The following SBF2 variants were observed in gnomAD, a reference collection of about 807,000 sequenced individuals.
The protein encoded by SBF2 is SET binding factor 2.
A neutral mutation model predicts 225.2 loss-of-function variants in SBF2; 112 were observed. That is an observed-to-expected ratio of 0.50 (90% CI 0.43 to 0.58). The LOEUF (loss-of-function observed/expected upper bound fraction) is 0.58, where lower values mean the gene tolerates loss of function less well. SBF2 is among the 20% of genes least tolerant of loss of function. The pLI is 0.00. For synonymous variants in SBF2, 763 were observed against 773.3 expected, an observed-to-expected ratio of 0.99 and a Z score of 0.22; for missense variants, 1,996 against 2,206.2, an observed-to-expected ratio of 0.90 and a Z score of 1.91.
intron 1 of SBF2, among the ~76,000 whole-genome samples, chr11:10,248,617 T>C (rs1030639033): frequency 1.3e-5 from 2 of 152,210 alleles, no homozygotes; most frequent in Non-Finnish European, 1.5e-5. Context: ...TTGAAACTAC[T>C]GAAAAAACAG....
chr11:10,003,513 G>A (rs995411664), intron 6 of SBF2, among the ~76,000 whole-genome samples: 3 of 151,626 alleles, frequency 2.0e-5, no homozygotes, highest in African/African-American at 4.8e-5. Flanking sequence ...GATTACAGGC[G>A]CCCGCCACCA....
intron 16 of SBF2, chr11:9,959,830 T>G (rs1590611581): frequency 3.5e-6 from 2 of 566,876 alleles, no homozygotes; most frequent in Non-Finnish European, 3.5e-6. Flanking sequence ...TAGGTAAAGG[T>G]AGGCTGCGAG....
intron 2 of SBF2, among the ~76,000 whole-genome samples, chr11:10,122,364 G>T (rs927506403): frequency 5.9e-5 from 9 of 152,192 alleles, no homozygotes; most frequent in African/African-American, 2.2e-4. Flanking sequence ...CACAGTTTCA[G>T]GGTGGGAGTC....
chr11:9,875,181 C>A (rs1483529450), intron 17 of SBF2, among the ~76,000 whole-genome samples: 1 of 152,072 alleles, frequency 6.6e-6, no homozygotes, highest in Non-Finnish European at 1.5e-5. Flanking sequence ...CATGGTTAAG[C>A]CAATAATTAT....
At chr11:9,935,164 A>G (rs1467282319) in intron 16 of SBF2, among the ~76,000 whole-genome samples, 3 of 152,194 alleles carry the variant, frequency 2.0e-5, no homozygotes, top group Non-Finnish European at 4.4e-5. Context: ...CCAATAACAG[A>G]CAAACGGAGA....
chr11:10,233,975 A>G (rs192062276), intron 1 of SBF2, among the ~76,000 whole-genome samples: 147 of 152,208 alleles, frequency 9.7e-4, no homozygotes, highest in Admixed American at 2.8e-3. Context: ...TTGTTCCTCA[A>G]TCAACCTCTT....
At chr11:10,080,688 C>T (rs1011657346) in intron 2 of SBF2, among the ~76,000 whole-genome samples, 2 of 152,086 alleles carry the variant, frequency 1.3e-5, no homozygotes, top group South Asian at 4.1e-4. Context: ...AATTTAAAAA[C>T]AGATCCAACT....
At chr11:10,088,428 G>T (rs1037811891) in intron 2 of SBF2, among the ~76,000 whole-genome samples, 7 of 152,056 alleles carry the variant, frequency 4.6e-5, no homozygotes, top group African/African-American at 1.7e-4. Context: ...GTTTATTATT[G>T]CTATAAAGGA....
chr11:10,180,113 GTCTT>G (rs775717974), intron 2 of SBF2, among the ~76,000 whole-genome samples: 1 of 151,884 alleles, frequency 6.6e-6, no homozygotes, highest in Non-Finnish European at 1.5e-5. Flanking sequence ...TCATCTTTTA[GTCTT>G]TCTATTTAAG....
In SBF2 at chr11:9,866,197, T is replaced by C. The variant is rs4910510; in HGVS notation, c.1930-7801A>G. Among the ~76,000 whole-genome samples the C allele has an allele frequency of 5.1e-3, 778 of 152,246 alleles. 2 individuals carry two copies. Among genetic ancestry groups the C allele is most frequent in the Admixed American group, 9.7e-3 (148 of 15,294 alleles). On this transcript the variant is annotated intron_variant, in intron 17 of 39. Coordinates refer to ENST00000256190, the MANE Select transcript of SBF2 (RefSeq NM_030962.4). ...TTTCAAAAAATTAACAATAATTCTT[T>C]AATATCAGGAAGTCCTAGCCTTAAA...
intron 13 of SBF2, among the ~76,000 whole-genome samples, chr11:9,981,803 C>G (rs1459989700): frequency 6.6e-6 from 1 of 152,138 alleles, no homozygotes; most frequent in Non-Finnish European, 1.5e-5. Flanking sequence ...AGATTAGAAA[C>G]AGTATCGAAT....
chr11:10,117,721 T>C (rs1199631608), intron 2 of SBF2, among the ~76,000 whole-genome samples: 1 of 151,550 alleles, frequency 6.6e-6, no homozygotes, highest in Non-Finnish European at 1.5e-5. Context: ...ATATTTGAAC[T>C]TGGGAAAGCA....
rs1180564715 is a variant in SBF2 at position 9,858,306 on chromosome 11, A to G, written c.2020T>C (p.Tyr674His). The change falls in exon 18 of 40, where the codon TAC (tyrosine) becomes CAC (histidine). Residue 674 changes from tyrosine (Y) to histidine (H), a missense_variant. Physicochemically the swap from Tyr to His is moderately conservative, Grantham distance 83. Coordinates refer to ENST00000256190, the MANE Select transcript of SBF2 (RefSeq NM_030962.4). ...CGAACCTGTTCCTGCACTGCATTGT[A>G]AAAGGTTGTCTCCCAAAATTGCTGA... Reference protein sequence around the residue: ...TNQQFWETTFYNAVQEQVRSL... With the variant: ...TNQQFWETTFHNAVQEQVRSL... 3 of 1,614,170 alleles carry G rather than the reference A, an allele frequency of 1.9e-6. 1 individual carries two copies. Among genetic ancestry groups the G allele is most frequent in the Admixed American group, 3.3e-5 (2 of 60,028 alleles).
At chr11:9,894,702 C>G (rs924652615) in intron 17 of SBF2, among the ~76,000 whole-genome samples, 1 of 151,154 alleles carries the variant, frequency 6.6e-6, no homozygotes, top group African/African-American at 2.4e-5. Flanking sequence ...AAAAATAGGC[C>G]AGGCGCAGTA....
At chr11:9,960,217 C>CTCTATGGTA (rs1252580111) in intron 16 of SBF2, 1 of 152,768 alleles carries the variant, frequency 6.5e-6, no homozygotes, top group Non-Finnish European at 1.5e-5. Context: ...TTTTCCCTCT[C>CTCTATGGTA]TCTATGGTAT....
intron 26 of SBF2, among the ~76,000 whole-genome samples, chr11:9,834,643 T>G (rs1423909242): frequency 6.6e-6 from 1 of 152,182 alleles, no homozygotes; most frequent in African/African-American, 2.4e-5. Context: ...GTGGCCTGAA[T>G]TTTTGTAATA....
chr11:9,823,770 C>T (rs902094083), intron 28 of SBF2, among the ~76,000 whole-genome samples: 1 of 152,160 alleles, frequency 6.6e-6, no homozygotes, highest in Non-Finnish European at 1.5e-5. Flanking sequence ...AGGAATGACA[C>T]TATCAGAAGA....
At chr11:9,793,673 G>T (rs955700071) in intron 33 of SBF2, among the ~76,000 whole-genome samples, 2 of 152,066 alleles carry the variant, frequency 1.3e-5, no homozygotes, top group African/African-American at 4.8e-5. Flanking sequence ...TTACAGGCGT[G>T]AACCACCGTG....
chr11:10,085,942 A>G (rs1163003904), intron 2 of SBF2, among the ~76,000 whole-genome samples: 16 of 150,940 alleles, frequency 1.1e-4, no homozygotes, highest in Non-Finnish European at 1.3e-4. Context: ...TAACAGATTA[A>G]TAGTATGTCA....
Sources: gnomAD v4.1 joint callset for allele counts (sites outside exome capture counted in the v4.1 genomes callset) on GRCh38, gnomAD v4.1.1 for gene constraint, MANE v1.5 for transcripts, NCBI Gene and HGNC (gene_info 2026-07-23, HGNC 2026-07-21) for gene names.